SAMHD1: variants seen among roughly 807,000 people sequenced by gnomAD.
The protein encoded by SAMHD1 is deoxynucleoside triphosphate triphosphohydrolase SAMHD1.
A neutral mutation model predicts 79.6 loss-of-function variants in SAMHD1; 54 were observed. That is an observed-to-expected ratio of 0.68 (90% CI 0.55 to 0.85). SAMHD1 has a LOEUF of 0.85. SAMHD1 is among the 40% of genes least tolerant of loss of function. The pLI, the probability that SAMHD1 is intolerant of heterozygous loss-of-function variation, is 0.00. For missense variants in SAMHD1, 663 were observed against 782.7 expected, an observed-to-expected ratio of 0.85 and a Z score of 1.82; for synonymous variants, 260 against 264.1, an observed-to-expected ratio of 0.98 and a Z score of 0.15.
At chr20:36,935,739 T>G (rs1211468029) in intron 3 of SAMHD1, among the ~76,000 whole-genome samples, 1 of 152,056 alleles carries the variant, frequency 6.6e-6, no homozygotes, top group Non-Finnish European at 1.5e-5. Context: ...CCCAGCTAAT[T>G]TTTGTATTTT....
intron 13 of SAMHD1, among the ~76,000 whole-genome samples, chr20:36,900,277 GCT>G (rs1990278945): frequency 6.6e-6 from 1 of 152,022 alleles, no homozygotes; most frequent in Admixed American, 6.6e-5. Context: ...ACAGAGCCTT[GCT>G]CTGTTGCCCA....
At chr20:36,928,924 G>A (rs979082028) in intron 5 of SAMHD1, among the ~76,000 whole-genome samples, 2 of 151,768 alleles carry the variant, frequency 1.3e-5, no homozygotes, top group Non-Finnish European at 2.9e-5. Flanking sequence ...GGGCATGGTG[G>A]CATGTGCCTG....
intron 1 of SAMHD1, among the ~76,000 whole-genome samples, chr20:36,948,990 C>G (rs1034022140): frequency 6.6e-6 from 1 of 152,070 alleles, no homozygotes; most frequent in Non-Finnish European, 1.5e-5. Flanking sequence ...GCCGGCCGGG[C>G]GCGGTGGCTC....
chr20:36,946,551 G>C (rs760102190), intron 2 of SAMHD1, 187 bp downstream of exon 2: 3 of 551,078 alleles, frequency 5.4e-6, no homozygotes, highest in African/African-American at 1.9e-5. Flanking sequence ...ACTCCAGCCT[G>C]GGTGAACAAG....
Position 36,892,972 on chromosome 20 carries a change from G to T in SAMHD1, c.1841C>A (p.Ser614Tyr), listed in dbSNP as rs62208115. 1.2e-6 allele frequency: 2 copies of T among 1,614,062 alleles called. No homozygotes were observed. Among genetic ancestry groups the T allele is most frequent in the Non-Finnish European group, 1.7e-6 (2 of 1,180,016 alleles). ...TTTAAAAAGCTGGACTCTGCTTTTG[G>T]ATGCTTCTCGGAGGCGAGTTGGATT... Reference protein sequence around the residue: ...VQNPTRLREASKSRVQLFKDD... With the variant: ...VQNPTRLREAYKSRVQLFKDD... The change falls in exon 16 of 16, where the codon TCC (serine) becomes TAC (tyrosine). Residue 614 changes from serine to tyrosine, a missense_variant. Ser to Tyr is a moderately radical substitution (Grantham distance 144). Transcript: ENST00000646673.
At chr20:36,951,057 G>A (rs2063729813) in intron 1 of SAMHD1, among the ~76,000 whole-genome samples, 1 of 152,180 alleles carries the variant, frequency 6.6e-6, no homozygotes, top group South Asian at 2.1e-4. Flanking sequence ...CGCCGGGGTG[G>A]CAAGTTAGTG....
chr20:36,911,390 T>C lies in SAMHD1; in HGVS notation c.1155-57A>G, dbSNP rs1238546625. 9.6e-6 allele frequency: 10 copies of C among 1,044,030 alleles called. No homozygotes were observed. The Admixed American group carries it at 1.7e-4, about 18-fold the overall frequency. The allele number at this position is 1,044,030 out of a possible 1,614,324, so 64.7% of individuals were successfully genotyped here. On this transcript the variant is annotated intron_variant, in intron 10 of 15. Transcript: ENST00000646673. ...TGAGAAATTTTGAATATTTGCCTTA[T>C]GTCTTACTTAAGGAAATCTTTCTAC...
chr20:36,904,966 C>A (rs1022214635), intron 12 of SAMHD1: 2 of 238,694 alleles, frequency 8.4e-6, no homozygotes, highest in African/African-American at 2.3e-5. Context: ...TGTGAAGGAA[C>A]CAAGTCATTA....
At chr20:36,908,827 C>T (rs893107613) in intron 11 of SAMHD1, among the ~76,000 whole-genome samples, 6 of 152,106 alleles carry the variant, frequency 3.9e-5, no homozygotes, top group East Asian at 1.9e-4. Flanking sequence ...CAGGAAGCTA[C>T]GGTAGAGTGA....
chr20:36,926,839 T>A, intron 6 of SAMHD1: 1 of 182,606 alleles, frequency 5.5e-6, no homozygotes. Context: ...GTTGGCCTTT[T>A]ATTATACAGT....
chr20:36,905,685 A>G (rs1007566593), intron 11 of SAMHD1, among the ~76,000 whole-genome samples, 182 bp from the exon 12 acceptor site: 1 of 152,202 alleles, frequency 6.6e-6, no homozygotes, highest in Non-Finnish European at 1.5e-5. Context: ...AAACTGTTCC[A>G]GTCGGCCAGT....
chr20:36,889,908 AAT>A (rs1491556037), downstream of SAMHD1: 1 of 107,412 alleles, frequency 9.3e-6, no homozygotes, highest in Non-Finnish European at 2.3e-5. Flanking sequence ...ATGTTCCATG[AAT>A]GTGTGTGTGT....
intron 11 of SAMHD1, among the ~76,000 whole-genome samples, chr20:36,907,560 T>TTA (rs1555832901): frequency 5.9e-5 from 5 of 85,446 alleles, no homozygotes; most frequent in Non-Finnish European, 9.6e-5. Flanking sequence ...TTTTTTTTTT[T>TTA]AGACAGACTC....
At chr20:36,937,420 T>C (rs1412619841) in intron 3 of SAMHD1, among the ~76,000 whole-genome samples, 1 of 151,956 alleles carries the variant, frequency 6.6e-6, no homozygotes, top group Non-Finnish European at 1.5e-5. Flanking sequence ...AAGAACACCA[T>C]CAAAAAAGTA....
At chr20:36,932,386 T>A (rs1448390924) in intron 4 of SAMHD1, among the ~76,000 whole-genome samples, 1 of 141,774 alleles carries the variant, frequency 7.1e-6, no homozygotes, top group Non-Finnish European at 1.5e-5. Context: ...AGAATGGTAG[T>A]TACTAGGGGG....
intron 13 of SAMHD1, among the ~76,000 whole-genome samples, chr20:36,901,471 C>T (rs1291174500): frequency 6.6e-6 from 1 of 152,136 alleles, no homozygotes; most frequent in Non-Finnish European, 1.5e-5. Context: ...TGCAGTGGCT[C>T]ATGCCTATAA....
chr20:36,927,197 C>T lies in SAMHD1; in HGVS notation c.681G>A (p.Pro227=), dbSNP rs144587056. The T allele has an allele frequency of 6.8e-6, 11 of 1,613,644 alleles. No individual in the cohort carries two copies. Among genetic ancestry groups the T allele is most frequent in the South Asian group, 3.3e-5 (3 of 91,076 alleles). Residue 227 remains proline (P), a synonymous_variant, in exon 6 of 16, where the codon CCG becomes CCA. Coordinates refer to ENST00000646673, the MANE Select transcript of SAMHD1 (RefSeq NM_015474.4). ...GAATACATACCGTCCATTTCACCTC[C>T]GGGCGAGCAAGTGGAATAAATCGTC... ...FDGRFIPLAR[P]EVKWTHEQGS...
At chr20:36,902,552 G>A (rs1990324831) in intron 13 of SAMHD1, among the ~76,000 whole-genome samples, 1 of 152,130 alleles carries the variant, frequency 6.6e-6, no homozygotes. Flanking sequence ...TTCGTGACCG[G>A]AAATTTATAG....
intron 13 of SAMHD1, among the ~76,000 whole-genome samples, chr20:36,902,780 C>G (rs1392746200): frequency 6.6e-6 from 1 of 152,012 alleles, no homozygotes; most frequent in Non-Finnish European, 1.5e-5. Flanking sequence ...CTCTGTCGCC[C>G]AGGCTGGAAT....
Sources: allele counts gnomAD v4.1 joint callset (sites outside exome capture counted in the v4.1 genomes callset), GRCh38; gene constraint gnomAD v4.1.1; transcripts MANE v1.5; gene names NCBI Gene and HGNC (gene_info 2026-07-23, HGNC 2026-07-21).